The following BLTP1 variants were observed in gnomAD, a reference collection of about 807,000 sequenced individuals.
The protein encoded by BLTP1 is fragile site-associated protein.
chr4:122,159,417 G>A, the BLTP1 span, among the ~76,000 whole-genome samples: 1 of 151,296 alleles, frequency 6.6e-6, no homozygotes, highest in African/African-American at 2.4e-5. Flanking sequence ...GAGCCAGATC[G>A]TGCCACTGCA....
the BLTP1 span, chr4:122,223,857 C>A: frequency 2.8e-6 from 1 of 357,642 alleles, no homozygotes; most frequent in Non-Finnish European, 3.9e-6. Flanking sequence ...CATTCCCAAA[C>A]TTATTTGATT....
At chr4:122,339,227 C>T in the BLTP1 span, 1 of 1,612,990 alleles carries the variant, frequency 6.2e-7, no homozygotes, top group Non-Finnish European at 8.5e-7. Context: ...TCAAATTTAG[C>T]TGTTTACCAG....
the BLTP1 span, chr4:122,187,260 A>G: frequency 4.1e-6 from 4 of 983,892 alleles, no homozygotes; most frequent in Non-Finnish European, 4.8e-6. Flanking sequence ...AGACAGCTGT[A>G]GGAATATTAG....
chr4:122,193,674 T>C, the BLTP1 span: 1 of 923,156 alleles, frequency 1.1e-6, no homozygotes, highest in Non-Finnish European at 1.3e-6. Context: ...AGTTTAGTTT[T>C]TCTATTCATG....
chr4:122,330,498 C>T, the BLTP1 span, among the ~76,000 whole-genome samples: 1 of 151,846 alleles, frequency 6.6e-6, no homozygotes, highest in Admixed American at 6.6e-5. Context: ...AACACCTTTT[C>T]AATATACTTG....
the BLTP1 span, among the ~76,000 whole-genome samples, chr4:122,311,712 G>A: frequency 1.3e-5 from 2 of 152,290 alleles, no homozygotes; most frequent in South Asian, 4.1e-4. Context: ...TAAGTAGATA[G>A]TAAATATTAG....
the BLTP1 span, chr4:122,299,722 A>G: frequency 1.6e-5 from 14 of 853,718 alleles, no homozygotes; most frequent in African/African-American, 2.6e-4. Flanking sequence ...GGGTGATATT[A>G]TATACACACA....
At chr4:122,203,971 A>G in the BLTP1 span, 1 of 304,308 alleles carries the variant, frequency 3.3e-6, no homozygotes, top group Non-Finnish European at 4.8e-6. Flanking sequence ...TGTTTATTTC[A>G]CTAGCAATCG....
chr4:122,224,173 T>C, the BLTP1 span: 4 of 763,798 alleles, frequency 5.2e-6, no homozygotes, highest in Non-Finnish European at 4.8e-6. Flanking sequence ...TACAAAAGAC[T>C]GGTCTCTTGT....
chr4:122,209,809 T>C, the BLTP1 span: 2 of 1,612,696 alleles, frequency 1.2e-6, no homozygotes, highest in Admixed American at 3.3e-5. Flanking sequence ...TCTGTTTTAC[T>C]CTTCAAAGGT....
the BLTP1 span, chr4:122,249,417 A>G: frequency 7.6e-6 from 12 of 1,572,012 alleles, no homozygotes; most frequent in Non-Finnish European, 1.0e-5. Context: ...CATATGTCCA[A>G]ATGTTTGTGT....
the BLTP1 span, chr4:122,249,776 A>T: frequency 1.3e-6 from 2 of 1,506,984 alleles, no homozygotes; most frequent in African/African-American, 2.8e-5. Flanking sequence ...CAGTAACCTG[A>T]ATCAACATAA....
At chr4:122,325,133 C>A in the BLTP1 span, 1 of 1,231,416 alleles carries the variant, frequency 8.1e-7, no homozygotes. Context: ...TAAATACTTA[C>A]AAATAAAATG....
At chr4:122,209,058 A>G in the BLTP1 span, 1 of 1,216,746 alleles carries the variant, frequency 8.2e-7, no homozygotes, top group Non-Finnish European at 1.0e-6. Context: ...TTTCTTTCAA[A>G]CTTATTTCCA....
chr4:122,271,710 C>CATTTG, the BLTP1 span: 6 of 1,566,382 alleles, frequency 3.8e-6, no homozygotes, highest in Non-Finnish European at 4.3e-6. Flanking sequence ...TCTTCAGAAA[C>CATTTG]ATTTGGACCA....
the BLTP1 span, among the ~76,000 whole-genome samples, chr4:122,323,254 C>T: frequency 6.6e-6 from 1 of 152,050 alleles, no homozygotes; most frequent in South Asian, 2.1e-4. Context: ...CCTTCCTTGT[C>T]GCCTTTCTTA....
At chr4:122,205,596 A>C in the BLTP1 span, among the ~76,000 whole-genome samples, 1 of 135,608 alleles carries the variant, frequency 7.4e-6, no homozygotes. Flanking sequence ...CTCTAGTATC[A>C]AAGTCTGTGC....
chr4:122,157,297 G>A, the BLTP1 span, among the ~76,000 whole-genome samples: 3 of 152,150 alleles, frequency 2.0e-5, no homozygotes, highest in Admixed American at 2.0e-4. Flanking sequence ...CAGGGTCTTT[G>A]AGGAGGATGC....
the BLTP1 span, among the ~76,000 whole-genome samples, chr4:122,191,112 A>G: frequency 2.0e-5 from 3 of 152,142 alleles, no homozygotes; most frequent in East Asian, 5.8e-4. Flanking sequence ...AATAGAAATT[A>G]TTTATTTTGT....
Sources: allele counts gnomAD v4.1 joint callset (sites outside exome capture counted in the v4.1 genomes callset), GRCh38; gene constraint gnomAD v4.1.1; transcripts MANE v1.5; gene names NCBI Gene and HGNC (gene_info 2026-07-23, HGNC 2026-07-21).